KCNIP4: variants seen among roughly 807,000 people sequenced by gnomAD.
KCNIP4 encodes the protein potassium voltage-gated channel interacting protein 4.
In KCNIP4, 12 loss-of-function variants were observed where a neutral mutation model predicts 34.0. That is an observed-to-expected ratio of 0.35 (90% CI 0.23 to 0.57). The LOEUF is 0.57. Among genes scored for constraint, KCNIP4 ranks in the 20% least tolerant of loss-of-function variants. The pLI is 0.83. For synonymous variants in KCNIP4, 124 were observed against 102.2 expected (o/e 1.21, Z -1.29); for missense variants, 238 against 311.7 (o/e 0.76, Z 1.78).
At chr4:21,636,782 C>T (rs954082937) in intron 1 of KCNIP4, among the ~76,000 whole-genome samples, 3 of 152,088 alleles carry the variant, frequency 2.0e-5, no homozygotes, top group African/African-American at 7.2e-5. Context: ...ATAACAGAAA[C>T]CATTCTACAT....
chr4:21,425,787 C>T (rs995066844), intron 1 of KCNIP4, among the ~76,000 whole-genome samples: 11 of 152,124 alleles, frequency 7.2e-5, no homozygotes, highest in African/African-American at 1.4e-4. Context: ...TGGTGACTCC[C>T]GTCTGTAATC....
intron 1 of KCNIP4, among the ~76,000 whole-genome samples, chr4:21,760,371 C>T (rs749155885): frequency 1.1e-4 from 17 of 152,092 alleles, no homozygotes; most frequent in Non-Finnish European, 2.2e-4. Context: ...CCCAATCCCA[C>T]GCCTACAAAT....
At chr4:21,422,148 C>T (rs551081862) in intron 1 of KCNIP4, among the ~76,000 whole-genome samples, 5 of 151,370 alleles carry the variant, frequency 3.3e-5, no homozygotes, top group Non-Finnish European at 2.9e-5. Context: ...ACCAAGATGC[C>T]GAAATTACAG....
At chr4:21,145,245 T>G (rs1376554205) in intron 1 of KCNIP4, among the ~76,000 whole-genome samples, 1 of 152,172 alleles carries the variant, frequency 6.6e-6, no homozygotes, top group African/African-American at 2.4e-5. Context: ...TTTAGAAACT[T>G]AGAGTCTCTA....
At chr4:21,746,922 T>C (rs1716819415) in intron 1 of KCNIP4, among the ~76,000 whole-genome samples, 1 of 152,206 alleles carries the variant, frequency 6.6e-6, no homozygotes, top group Non-Finnish European at 1.5e-5. Context: ...CAATTGTTTG[T>C]TGTTATTTGT....
intron 1 of KCNIP4, among the ~76,000 whole-genome samples, chr4:21,699,364 C>T (rs917146658): frequency 1.3e-5 from 2 of 152,142 alleles, no homozygotes; most frequent in African/African-American, 4.8e-5. Flanking sequence ...AGCCTCTGTT[C>T]TCATGCAGCT....
chr4:21,889,893 G>A (rs1726993995), intron 1 of KCNIP4, among the ~76,000 whole-genome samples: 1 of 152,122 alleles, frequency 6.6e-6, no homozygotes, highest in Non-Finnish European at 1.5e-5. Context: ...TGGGCTCCCA[G>A]AGTCTTGTAT....
At chr4:21,472,444 T>G (rs144889413) in intron 1 of KCNIP4, among the ~76,000 whole-genome samples, 222 of 152,130 alleles carry the variant, frequency 1.5e-3, no homozygotes, top group East Asian at 3.7e-3. Flanking sequence ...AATGTGTGTG[T>G]GGGGGGGTTA....
intron 1 of KCNIP4, among the ~76,000 whole-genome samples, chr4:21,377,891 C>A (rs1009986675): frequency 4.6e-5 from 7 of 152,160 alleles, no homozygotes; most frequent in African/African-American, 1.7e-4. Context: ...GCTTTGGTTG[C>A]TGAATTTGTC....
rs562009257 is a variant in KCNIP4, at chr4:21,144,800, T to C, written c.62-262091A>G. The stretch of plus-strand genomic sequence containing the variant: ...CATTTCCTTTTCTTTCTATATCCAT[T>C]GGTTATCAAATGCCTTAAGTTCAGC... On this transcript the variant is annotated intron_variant, in intron 1 of 8. Transcript: ENST00000382152. Among the ~76,000 whole-genome samples, 5 of 152,290 alleles carry C rather than the reference T, an allele frequency of 3.3e-5. No individual in the cohort carries two copies. The East Asian group carries it at 9.7e-4, about 29-fold the overall frequency.
Position 21,706,044 on chromosome 4 carries a change from C to T in KCNIP4, c.61+242527G>A, listed in dbSNP as rs139577286. On this transcript the variant is annotated intron_variant, in intron 1 of 8. Transcript: ENST00000382152. Reference sequence around the variant, plus strand: ...GTTTAATGCTATCCTTGGGAAAACACAAAACATAATTAGGAAGAGAACTAT... The same window carrying T: ...GTTTAATGCTATCCTTGGGAAAACATAAAACATAATTAGGAAGAGAACTAT... Among the ~76,000 whole-genome samples, 357 of 152,086 alleles carry T rather than the reference C, an allele frequency of 2.3e-3. 1 individual carries two copies. Among genetic ancestry groups the T allele is most frequent in the Admixed American group, 3.3e-3 (50 of 15,246 alleles).
chr4:21,922,689 A>G (rs1430109140), intron 1 of KCNIP4, among the ~76,000 whole-genome samples: 1 of 152,172 alleles, frequency 6.6e-6, no homozygotes, highest in East Asian at 1.9e-4. Flanking sequence ...TCAAACTACT[A>G]AGATACCTAC....
chr4:20,930,819 C>T (rs1310651610), intron 1 of KCNIP4, among the ~76,000 whole-genome samples: 1 of 145,418 alleles, frequency 6.9e-6, no homozygotes, highest in African/African-American at 2.5e-5. Context: ...TCACCCTTCA[C>T]CCATTAGGAT....
In KCNIP4 at chr4:21,173,858, T is replaced by C. The variant is rs185354673; in HGVS notation, c.62-291149A>G. On this transcript the variant is annotated intron_variant, in intron 1 of 8. Coordinates refer to ENST00000382152, the MANE Select transcript of KCNIP4 (RefSeq NM_025221.6). ...AAAAGAAAAGCTTTTATTCTGTATG[T>C]GGTTTCTCATAGAATACTTCTCGCC... is the stretch of plus-strand genomic sequence containing the variant. Among the ~76,000 whole-genome samples, 5 of 152,316 alleles carry C rather than the reference T, an allele frequency of 3.3e-5. No individual in the cohort carries two copies. In the East Asian group the frequency reaches 9.7e-4, roughly 29 times the overall value.
At chr4:20,741,363 C>T (rs144035373) in intron 5 of KCNIP4, among the ~76,000 whole-genome samples, 101 of 152,320 alleles carry the variant, frequency 6.6e-4, no homozygotes, top group African/African-American at 1.9e-3. Context: ...GAAATTATAA[C>T]AAACTGTCTC....
chr4:21,280,905 T>C lies in KCNIP4; in HGVS notation c.62-398196A>G, dbSNP rs541912587. On this transcript the variant is annotated intron_variant, in intron 1 of 8. Transcript: ENST00000382152. ...TGCGTAGCAGAGACTCAAGTGTGAG[T>C]TGGAGATGTGAATGCTCCAGTCATT... Among the ~76,000 whole-genome samples, 7 of 152,218 alleles carry C rather than the reference T, an allele frequency of 4.6e-5. 1 individual carries two copies. The East Asian group carries it at 1.4e-3, about 29-fold the overall frequency.
At chr4:21,383,785 A>C (rs1188307352) in intron 1 of KCNIP4, among the ~76,000 whole-genome samples, 1 of 152,162 alleles carries the variant, frequency 6.6e-6, no homozygotes, top group Non-Finnish European at 1.5e-5. Flanking sequence ...CAGAGGGTTC[A>C]TTAAAAAATC....
intron 1 of KCNIP4, among the ~76,000 whole-genome samples, chr4:20,949,932 G>C (rs1049268479): frequency 6.7e-6 from 1 of 149,638 alleles, no homozygotes; most frequent in Admixed American, 6.7e-5. Context: ...TGGGTGCAGC[G>C]CACCAGCATG....
intron 1 of KCNIP4, among the ~76,000 whole-genome samples, chr4:21,229,152 C>T (rs924652665): frequency 2.6e-5 from 4 of 152,246 alleles, no homozygotes; most frequent in South Asian, 2.1e-4. Context: ...TAAAACTTAC[C>T]CCACATCATC....
Sources: allele counts gnomAD v4.1 joint callset (sites outside exome capture counted in the v4.1 genomes callset), GRCh38; gene constraint gnomAD v4.1.1; transcripts MANE v1.5; gene names NCBI Gene and HGNC (gene_info 2026-07-23, HGNC 2026-07-21).